The following BMPR2 variants were observed in gnomAD, a reference collection of about 807,000 sequenced individuals.
The protein encoded by BMPR2 is bone morphogenetic protein receptor type 2.
Under a neutral mutation model 100.8 loss-of-function variants are expected in BMPR2, and 29 were observed. The ratio of observed to expected loss-of-function variants is 0.29; its 90% CI spans 0.21 to 0.39. The LOEUF (loss-of-function observed/expected upper bound fraction) is 0.39. BMPR2 is among the 10% of genes least tolerant of loss of function. The probability of loss-of-function intolerance (pLI) is 1.00; values close to 1 mark genes in which losing one functional copy is unlikely to be tolerated. For missense variants in BMPR2, 1,011 were observed against 1,274.5 expected (o/e 0.79, Z 3.15); for synonymous variants, 382 against 442.3 (o/e 0.86, Z 1.71).
At chr2:202,405,041 T>C (rs1344276535) in intron 1 of BMPR2, among the ~76,000 whole-genome samples, 1 of 152,124 alleles carries the variant, frequency 6.6e-6, no homozygotes, top group African/African-American at 2.4e-5. Context: ...CAGGATGGTA[T>C]CAAACTTCTG....
At chr2:202,535,061 A>ACCCCCCCACCTCCCTCCTGGACG (rs1345583314) in intron 9 of BMPR2, among the ~76,000 whole-genome samples, 1 of 53,090 alleles carries the variant, frequency 1.9e-5, no homozygotes, top group South Asian at 6.6e-4. Context: ...CCTCCCGGAC[A>ACCCCCCCACCTCCCTCCTGGACG]GGTCGGCTGG....
rs545460219 is a variant in BMPR2, at chr2:202,498,876, G to A, written c.419-14843G>A. 5.3e-5 allele frequency among the ~76,000 whole-genome samples: 8 copies of A among 151,690 alleles called. 1 individual carries two copies. The South Asian group carries it at 1.5e-3, about 28-fold the overall frequency. On this transcript the variant is annotated intron_variant, in intron 3 of 12. Transcript: ENST00000374580. Reference sequence around the variant, plus strand: ...AAATGGAGTGTCTTACCTTATGTTCGAGCTTTCTTTTCATTGAGGGAGAAT... The same window carrying A: ...AAATGGAGTGTCTTACCTTATGTTCAAGCTTTCTTTTCATTGAGGGAGAAT...
intron 9 of BMPR2, among the ~76,000 whole-genome samples, chr2:202,535,471 C>T (rs1170401297): frequency 1.3e-5 from 2 of 151,252 alleles, no homozygotes; most frequent in Non-Finnish European, 3.0e-5. Context: ...AGGCGCTCCC[C>T]ACATCTCAGA....
chr2:202,435,864 G>A (rs1691604951), intron 1 of BMPR2, among the ~76,000 whole-genome samples: 2 of 150,378 alleles, frequency 1.3e-5, no homozygotes, highest in South Asian at 4.2e-4. Context: ...ATATCATATA[G>A]CCTAGGTATG....
In BMPR2 at chr2:202,560,961, G is replaced by A. The variant is rs879834986; in HGVS notation, c.*1015G>A. On this transcript the variant is annotated 3_prime_UTR_variant, in exon 13 of 13. Coordinates refer to ENST00000374580, the MANE Select transcript of BMPR2 (RefSeq NM_001204.7). ...TTTAAGTAGGTAAATAAATGGTTAA[G>A]ACAAAATAGTGTTATAGCCTTCATT... The A allele has an allele frequency of 8.5e-5, 13 of 152,112 alleles. No homozygotes were observed. Among genetic ancestry groups the A allele is most frequent in the African/African-American group, 3.1e-4 (13 of 41,440 alleles). 9.4% of individuals were successfully genotyped at this position (152,112 alleles called of 1,614,324 possible).
Position 202,416,266 on chromosome 2 carries a change from C to CT in BMPR2, c.76+38728dup, listed in dbSNP as rs769226215. ...GAAAATTTGAATGGAGGAAGAGTTG[C>CT]TTTTTTTTTTTTCTTTTTCAGAAAG... On this transcript the variant is annotated intron_variant, in intron 1 of 12. Transcript: ENST00000374580. 4.6e-4 allele frequency among the ~76,000 whole-genome samples: 67 copies of CT among 144,168 alleles called. 1 individual carries two copies. Among genetic ancestry groups the CT allele is most frequent in the South Asian group, 6.7e-4 (3 of 4,482 alleles). The allele number at this position is 144,168 out of a possible 152,430, so 94.6% of individuals were successfully genotyped here.
At chr2:202,454,591 T>A (rs1287863022) in intron 1 of BMPR2, among the ~76,000 whole-genome samples, 1 of 152,190 alleles carries the variant, frequency 6.6e-6, no homozygotes, top group Non-Finnish European at 1.5e-5. Context: ...TATTGAGCAC[T>A]CATTTATAGT....
chr2:202,386,094 A>C (rs925823671), intron 1 of BMPR2, among the ~76,000 whole-genome samples: 2 of 151,942 alleles, frequency 1.3e-5, no homozygotes, highest in Non-Finnish European at 2.9e-5. Context: ...TATGTCCCTG[A>C]TGGCTAAATG....
At chr2:202,548,202 C>T (rs1180352816) in intron 10 of BMPR2, among the ~76,000 whole-genome samples, 2 of 152,140 alleles carry the variant, frequency 1.3e-5, no homozygotes, top group African/African-American at 4.8e-5. Flanking sequence ...TTTAGTTTTT[C>T]CATTTTCTCT....
intron 3 of BMPR2, among the ~76,000 whole-genome samples, chr2:202,480,213 A>G (rs1692632579): frequency 2.0e-5 from 3 of 151,938 alleles, no homozygotes; most frequent in African/African-American, 7.2e-5. Context: ...GCTCACTGCA[A>G]CCTCCACCTC....
intron 3 of BMPR2, among the ~76,000 whole-genome samples, chr2:202,476,432 T>C (rs1692553655): frequency 6.6e-6 from 1 of 152,164 alleles, no homozygotes; most frequent in African/African-American, 2.4e-5. Flanking sequence ...CATGGAAACA[T>C]TTAAAATACA....
At chr2:202,530,699 C>A in intron 7 of BMPR2, 95 bp from the exon 8 acceptor site, 1 of 1,126,770 alleles carries the variant, frequency 8.9e-7, no homozygotes, top group Non-Finnish European at 1.3e-6. Flanking sequence ...AATTAATGGG[C>A]AGAAAAATAA....
chr2:202,405,414 C>T (rs774752573), intron 1 of BMPR2, among the ~76,000 whole-genome samples: 2 of 151,858 alleles, frequency 1.3e-5, no homozygotes, highest in African/African-American at 2.4e-5. Context: ...AGGGGCAGGG[C>T]GTGGTGGCTC....
intron 1 of BMPR2, among the ~76,000 whole-genome samples, chr2:202,404,324 T>A (rs1690837827): frequency 6.6e-6 from 1 of 151,238 alleles, no homozygotes; most frequent in African/African-American, 2.4e-5. Flanking sequence ...CCCAAGTAAC[T>A]GGGATTACAG....
intron 3 of BMPR2, among the ~76,000 whole-genome samples, chr2:202,476,402 C>G (rs1170947712): frequency 1.3e-5 from 2 of 152,098 alleles, no homozygotes; most frequent in Admixed American, 6.6e-5. Context: ...TACAGACGTA[C>G]TATAATAGAG....
At chr2:202,497,180 C>G (rs1169148825) in intron 3 of BMPR2, among the ~76,000 whole-genome samples, 1 of 152,214 alleles carries the variant, frequency 6.6e-6, no homozygotes, top group Non-Finnish European at 1.5e-5. Context: ...CCCGCCATGC[C>G]TGAGCCTCCC....
chr2:202,462,660 T>A (rs76795605), intron 1 of BMPR2, among the ~76,000 whole-genome samples: 7,764 of 151,898 alleles, frequency 0.051, 649 homozygotes, highest in African/African-American at 0.18. Context: ...ACTTTTTTTT[T>A]AAATGCTGAA....
At chr2:202,500,180 C>T (rs1687353349) in intron 3 of BMPR2, among the ~76,000 whole-genome samples, 1 of 152,182 alleles carries the variant, frequency 6.6e-6, no homozygotes, top group Admixed American at 6.5e-5. Flanking sequence ...AATTGACTTC[C>T]TCCTGGACAC....
chr2:202,398,108 CAAAA>C (rs56075719), intron 1 of BMPR2, among the ~76,000 whole-genome samples: 1 of 120,338 alleles, frequency 8.3e-6, no homozygotes, highest in African/African-American at 3.1e-5. Context: ...GACCCTGTCT[CAAAA>C]AAAAAAAAAA....
Sources: allele counts gnomAD v4.1 joint callset (sites outside exome capture counted in the v4.1 genomes callset), GRCh38; gene constraint gnomAD v4.1.1; transcripts MANE v1.5; gene names NCBI Gene and HGNC (gene_info 2026-07-23, HGNC 2026-07-21).